Variants in CHD9 observed in about 807,000 individuals in gnomAD.
The protein encoded by CHD9 is chromodomain helicase DNA binding protein 9, also known as ATP-dependent chromatin remodeler CHD9.
In CHD9, 77 loss-of-function variants were observed where a neutral mutation model predicts 316.1. The ratio of observed to expected loss-of-function variants is 0.24; its 90% CI spans 0.20 to 0.29. The LOEUF (loss-of-function observed/expected upper bound fraction) is 0.29, where lower values mean the gene tolerates loss of function less well. Among genes scored for constraint, CHD9 ranks in the 10% least tolerant of loss-of-function variants. The pLI is 1.00. For synonymous variants in CHD9, 1,129 were observed against 1,158.3 expected (o/e 0.97, Z 0.51); for missense variants, 2,763 against 3,438.1 (o/e 0.80, Z 4.91).
intron 1 of CHD9, among the ~76,000 whole-genome samples, chr16:53,064,549 G>T (rs1470521153): frequency 6.6e-6 from 1 of 152,190 alleles, no homozygotes; most frequent in Non-Finnish European, 1.5e-5. Flanking sequence ...TGGGCTGGAG[G>T]CTGGTGAACC....
At chr16:53,248,358 A>C (rs886150373) in intron 16 of CHD9, among the ~76,000 whole-genome samples, 4 of 151,718 alleles carry the variant, frequency 2.6e-5, no homozygotes, top group Non-Finnish European at 5.9e-5. Context: ...AAAATTGTCT[A>C]ATCAGTATTT....
chr16:53,078,591 C>T (rs1596899994), intron 1 of CHD9, among the ~76,000 whole-genome samples: 1 of 152,144 alleles, frequency 6.6e-6, no homozygotes, highest in African/African-American at 2.4e-5. Context: ...TTGATCATGT[C>T]TACTTTTTTT....
intron 22 of CHD9, among the ~76,000 whole-genome samples, chr16:53,270,558 G>A (rs72799627): frequency 0.031 from 4,747 of 152,186 alleles, 109 homozygotes; most frequent in Middle Eastern, 0.054. Context: ...AAAATAATGT[G>A]AAAGATTGGG....
At chr16:53,147,783 G>A (rs138761874) in intron 1 of CHD9, among the ~76,000 whole-genome samples, 1 of 152,174 alleles carries the variant, frequency 6.6e-6, no homozygotes, top group African/African-American at 2.4e-5. Flanking sequence ...GAATAATGCT[G>A]CTATGAGTGT....
At chr16:53,083,775 G>A (rs62050295) in intron 1 of CHD9, among the ~76,000 whole-genome samples, 8 of 151,448 alleles carry the variant, frequency 5.3e-5, no homozygotes, top group African/African-American at 1.9e-4. Context: ...AATAAAACCT[G>A]TCTCTCACTC....
intron 1 of CHD9, among the ~76,000 whole-genome samples, chr16:53,139,044 T>G (rs1004742600): frequency 1.3e-5 from 2 of 152,096 alleles, no homozygotes; most frequent in Non-Finnish European, 2.9e-5. Flanking sequence ...GGAATTTTTT[T>G]TTTGAGGTAA....
At chr16:53,268,655 C>T (rs1041381669) in intron 22 of CHD9, among the ~76,000 whole-genome samples, 1 of 152,152 alleles carries the variant, frequency 6.6e-6, no homozygotes, top group African/African-American at 2.4e-5. Context: ...GCATCAGCAT[C>T]TTCTGGAAGC....
chr16:53,092,113 TC>T (rs922535610), intron 1 of CHD9, among the ~76,000 whole-genome samples: 2 of 151,762 alleles, frequency 1.3e-5, no homozygotes, highest in Non-Finnish European at 2.9e-5. Flanking sequence ...GGCAAATACT[TC>T]CCCCCCAGCT....
At chr16:53,096,550 T>C (rs543392900) in intron 1 of CHD9, among the ~76,000 whole-genome samples, 22 of 152,268 alleles carry the variant, frequency 1.4e-4, no homozygotes, top group Non-Finnish European at 2.8e-4. Context: ...TGAAACTAAG[T>C]GTCTCTCCCA....
rs978491114 is a variant in CHD9, at chr16:53,317,700, C to A, written c.7585-512C>A. Among the ~76,000 whole-genome samples the A allele has an allele frequency of 2.6e-5, 4 of 152,136 alleles. 1 individual carries two copies. In the South Asian group the frequency reaches 8.3e-4, roughly 32 times the overall value. Reference sequence around the variant, plus strand: ...GTAGAGACAGGGTCTCACCATATTGCCCGGGCTTAACTTTTTTAATGAATA... The same window carrying A: ...GTAGAGACAGGGTCTCACCATATTGACCGGGCTTAACTTTTTTAATGAATA... On this transcript the variant is annotated intron_variant, in intron 36 of 38. Coordinates refer to ENST00000447540, the MANE Select transcript of CHD9 (RefSeq NM_001308319.2).
chr16:53,261,657 C>T (rs2051143346), intron 19 of CHD9, among the ~76,000 whole-genome samples: 1 of 152,010 alleles, frequency 6.6e-6, no homozygotes, highest in Admixed American at 6.5e-5. Context: ...GATTTACAGA[C>T]GTGAGCCACC....
chr16:53,326,547 CAT>C lies in CHD9; in HGVS notation c.*1653_*1654del, dbSNP rs1468123331. The C allele has an allele frequency of 6.6e-6, 1 of 152,294 alleles. No individual in the cohort carries two copies. Among genetic ancestry groups the C allele is most frequent in the African/African-American group, 2.4e-5 (1 of 41,408 alleles). The allele number at this position is 152,294 out of a possible 1,614,324, so 9.4% of individuals were successfully genotyped here. On this transcript the variant is annotated 3_prime_UTR_variant, in exon 39 of 39. Coordinates refer to ENST00000447540, the MANE Select transcript of CHD9 (RefSeq NM_001308319.2). ...TGTATTTACAAAATTATATAAGTTCCATTGGGATTGTATTGATTTTGTATTTT... is the reference window on the plus strand; with the variant it reads ...TGTATTTACAAAATTATATAAGTTCCTGGGATTGTATTGATTTTGTATTTT...
chr16:53,181,646 A>G (rs2043528250), intron 2 of CHD9, among the ~76,000 whole-genome samples: 1 of 152,212 alleles, frequency 6.6e-6, no homozygotes, highest in Non-Finnish European at 1.5e-5. Flanking sequence ...TGCTTTTTTA[A>G]CATGTTTTCT....
chr16:53,307,550 C>G (rs755949635), intron 32 of CHD9, 131 bp from the exon 33 acceptor site: 2 of 737,004 alleles, frequency 2.7e-6, no homozygotes, highest in African/African-American at 1.8e-5. Context: ...TATATATACA[C>G]GAGAATATGT....
intron 1 of CHD9, among the ~76,000 whole-genome samples, chr16:53,115,218 T>C (rs1228606158): frequency 6.6e-6 from 1 of 152,228 alleles, no homozygotes; most frequent in African/African-American, 2.4e-5. Flanking sequence ...TGGGATGCTG[T>C]CAACCTAGAT....
intron 1 of CHD9, among the ~76,000 whole-genome samples, chr16:53,061,043 C>T (rs2032838790): frequency 6.6e-6 from 1 of 151,036 alleles, no homozygotes; most frequent in Non-Finnish European, 1.5e-5. Context: ...TCTCCTGCCT[C>T]AGTTTCCCAA....
At chr16:53,193,969 A>G (rs1263677591) in intron 2 of CHD9, among the ~76,000 whole-genome samples, 1 of 152,218 alleles carries the variant, frequency 6.6e-6, no homozygotes, top group African/African-American at 2.4e-5. Context: ...ACGTAGAGTA[A>G]AAGTGATATC....
At chr16:53,280,209 C>T (rs954082396) in intron 24 of CHD9, among the ~76,000 whole-genome samples, 1 of 152,308 alleles carries the variant, frequency 6.6e-6, no homozygotes, top group Non-Finnish European at 1.5e-5. Flanking sequence ...ATATTAAAAA[C>T]ATACTTGCTC....
chr16:53,240,825 T>C lies in CHD9; in HGVS notation c.2878-2015T>C, dbSNP rs978746377. Among the ~76,000 whole-genome samples the C allele has an allele frequency of 2.6e-5, 4 of 152,228 alleles. 1 individual carries two copies. The highest frequency in any genetic ancestry group is 6.8e-3 in the Middle Eastern group (2 of 294). ...ATTATTTCACTTAATCTTTGTAATA[T>C]CAACCTTGTAAAATAGATAGTATTA... is the stretch of plus-strand genomic sequence containing the variant. On this transcript the variant is annotated intron_variant, in intron 12 of 38. Coordinates refer to ENST00000447540, the MANE Select transcript of CHD9 (RefSeq NM_001308319.2).
Sources: gnomAD v4.1 joint callset for allele counts (sites outside exome capture counted in the v4.1 genomes callset) on GRCh38, gnomAD v4.1.1 for gene constraint, MANE v1.5 for transcripts, NCBI Gene and HGNC (gene_info 2026-07-23, HGNC 2026-07-21) for gene names.